Variants in PLSCR2 observed in about 807,000 individuals in gnomAD.
PLSCR2 encodes phospholipid scramblase 2.
A neutral mutation model predicts 25.3 loss-of-function variants in PLSCR2; 18 were observed. The ratio of observed to expected loss-of-function variants is 0.71; its 90% confidence interval spans 0.49 to 1.06. The LOEUF is 1.06. PLSCR2 is among the 50% of genes least tolerant of loss of function. PLSCR2 has a pLI of 0.00. For synonymous variants in PLSCR2, 88 were observed against 87.3 expected (o/e 1.01, Z -0.04); for missense variants, 243 against 269.5 (o/e 0.90, Z 0.69).
chr3:146,403,163 CAT>C (rs1491539425), intron 2 of PLSCR2, among the ~76,000 whole-genome samples: 1 of 151,846 alleles, frequency 6.6e-6, no homozygotes, highest in African/African-American at 2.4e-5. Flanking sequence ...CACACACACA[CAT>C]GCACACTCCT....
intron 1 of PLSCR2, among the ~76,000 whole-genome samples, chr3:146,474,227 C>T (rs1255476369): frequency 6.6e-6 from 1 of 152,052 alleles, no homozygotes; most frequent in Admixed American, 6.6e-5. Context: ...TTGTTCTTTC[C>T]ACAATTTCTT....
At chr3:146,459,172 A>C (rs1200054208) in intron 2 of PLSCR2, among the ~76,000 whole-genome samples, 1 of 152,072 alleles carries the variant, frequency 6.6e-6, no homozygotes, top group South Asian at 2.1e-4. Flanking sequence ...TTTTTTCCTT[A>C]TTGGCGACAT....
At chr3:146,469,033 T>G (rs1404163043) in intron 1 of PLSCR2, 1 of 728,520 alleles carries the variant, frequency 1.4e-6, no homozygotes, top group Non-Finnish European at 1.7e-6. Flanking sequence ...ACCGCCACTA[T>G]CTTTCCTAAG....
chr3:146,407,034 A>G (rs2038679737), intron 2 of PLSCR2, among the ~76,000 whole-genome samples: 1 of 152,210 alleles, frequency 6.6e-6, no homozygotes, highest in African/African-American at 2.4e-5. Flanking sequence ...TGATTTTAAA[A>G]GGTGACAACC....
Position 146,456,720 on chromosome 3 carries a change from G to A in PLSCR2, c.101-1261C>T, listed in dbSNP as rs80239032. ...ATAAGTATTTGTCATAGTCTCAGGT[G>A]CTAAAAATAAACTGAGTAATCATCT... On this transcript the variant is annotated intron_variant, in intron 3 of 6. Coordinates refer to ENST00000610787, the Ensembl canonical transcript of PLSCR2. Among the ~76,000 whole-genome samples, 872 of 152,098 alleles carry A rather than the reference G, an allele frequency of 5.7e-3. 9 individuals are homozygous for A. Among genetic ancestry groups the A allele is most frequent in the African/African-American group, 0.02 (832 of 41,510 alleles).
chr3:146,481,881 T>TA (rs1470266679), intron 1 of PLSCR2, among the ~76,000 whole-genome samples: 1 of 152,030 alleles, frequency 6.6e-6, no homozygotes, highest in African/African-American at 2.4e-5. Flanking sequence ...TAAAAACAGA[T>TA]ATATAGACTA....
At chr3:146,454,715 T>C (rs941635296) in intron 4 of PLSCR2, among the ~76,000 whole-genome samples, 10 of 152,206 alleles carry the variant, frequency 6.6e-5, no homozygotes, top group Admixed American at 6.5e-4. Flanking sequence ...CCATTTAGGA[T>C]ATCCCTTTTG....
intron 1 of PLSCR2, among the ~76,000 whole-genome samples, chr3:146,476,988 T>C (rs994761188): frequency 1.3e-5 from 2 of 152,206 alleles, no homozygotes; most frequent in African/African-American, 4.8e-5. Context: ...ACAGCACACC[T>C]GTTGGACCAA....
chr3:146,437,086 T>C (rs2039910219), downstream of PLSCR2, among the ~76,000 whole-genome samples: 1 of 152,198 alleles, frequency 6.6e-6, no homozygotes, highest in Admixed American at 6.6e-5. Context: ...TTTATTGATT[T>C]GTGTTATGTT....
At chr3:146,451,515 T>C (rs1035377321) in intron 5 of PLSCR2, among the ~76,000 whole-genome samples, 2 of 152,182 alleles carry the variant, frequency 1.3e-5, no homozygotes, top group Non-Finnish European at 2.9e-5. Flanking sequence ...TATTTGGTCT[T>C]TGTCCCAGAT....
At chr3:146,468,402 G>T (rs544043) in intron 1 of PLSCR2, among the ~76,000 whole-genome samples, 72,113 of 152,054 alleles carry the variant, frequency 0.47, 17,421 homozygotes, top group East Asian at 0.61. Context: ...TCATAAGCGG[G>T]AAGAAACAAC....
At chr3:146,470,219 C>T (rs1301179673) in intron 1 of PLSCR2, among the ~76,000 whole-genome samples, 1 of 152,102 alleles carries the variant, frequency 6.6e-6, no homozygotes, top group Non-Finnish European at 1.5e-5. Flanking sequence ...GGCACACCCT[C>T]ATGCAATAAA....
At chr3:146,419,511 T>A (rs2039081696) in intron 2 of PLSCR2, among the ~76,000 whole-genome samples, 1 of 152,140 alleles carries the variant, frequency 6.6e-6, no homozygotes, top group South Asian at 2.1e-4. Flanking sequence ...ATTAATTTCC[T>A]GTTGCTGCTA....
chr3:146,485,847 T>C (rs937041897), intron 1 of PLSCR2, among the ~76,000 whole-genome samples: 9 of 152,042 alleles, frequency 5.9e-5, no homozygotes, highest in African/African-American at 2.2e-4. Flanking sequence ...GAGGAGCAAG[T>C]CACGTCTTAC....
At chr3:146,487,149 A>G (rs546656749) in intron 1 of PLSCR2, among the ~76,000 whole-genome samples, 64 of 152,282 alleles carry the variant, frequency 4.2e-4, no homozygotes, top group African/African-American at 1.4e-3. Flanking sequence ...TAAACTAAGT[A>G]CTGATGGAAC....
At chr3:146,487,347 A>G (rs1336387736) in intron 1 of PLSCR2, among the ~76,000 whole-genome samples, 1 of 152,184 alleles carries the variant, frequency 6.6e-6, no homozygotes, top group Non-Finnish European at 1.5e-5. Flanking sequence ...AATAAAGGGT[A>G]TTCAAATAGG....
chr3:146,400,607 A>G (rs2038434629), intron 2 of PLSCR2, among the ~76,000 whole-genome samples: 1 of 150,278 alleles, frequency 6.7e-6, no homozygotes, highest in Non-Finnish European at 1.5e-5. Context: ...AGAATTTTTT[A>G]ATATGATAGG....
At chr3:146,493,600 A>T (rs142200814) in intron 1 of PLSCR2, among the ~76,000 whole-genome samples, 214 of 152,210 alleles carry the variant, frequency 1.4e-3, no homozygotes, top group Non-Finnish European at 2.4e-3. Flanking sequence ...TGTTAAAAAC[A>T]CTCAACAGCT....
chr3:146,460,321 A>C (rs1031795538), exon 1 of PLSCR2: 2 of 644,332 alleles, frequency 3.1e-6, no homozygotes, highest in Non-Finnish European at 4.3e-6. Context: ...TACTTTTACT[A>C]TGTAAAACTC....
Sources: gnomAD v4.1 joint callset for allele counts (sites outside exome capture counted in the v4.1 genomes callset) on GRCh38, gnomAD v4.1.1 for gene constraint, MANE v1.5 for transcripts, NCBI Gene and HGNC (gene_info 2026-07-23, HGNC 2026-07-21) for gene names.